Variants in CLN3 observed in about 807,000 individuals in gnomAD.
CLN3 encodes the protein CLN3 lysosomal/endosomal transmembrane protein, battenin.
A neutral mutation model predicts 60.7 loss-of-function variants in CLN3; 49 were observed. The ratio of observed to expected loss-of-function variants is 0.81; its 90% CI spans 0.64 to 1.02. The LOEUF (loss-of-function observed/expected upper bound fraction) is 1.02, where lower values mean the gene tolerates loss of function less well. Among genes scored for constraint, CLN3 ranks in the 50% least tolerant of loss-of-function variants. The probability of loss-of-function intolerance (pLI) is 0.00; values close to 1 mark genes in which losing one functional copy is unlikely to be tolerated. For missense variants in CLN3, 516 were observed against 557.4 expected, an observed-to-expected ratio of 0.93 and a Z score of 0.75; for synonymous variants, 256 against 245.8, an observed-to-expected ratio of 1.04 and a Z score of -0.39.
chr16:28,491,585 AC>A (rs1231498263), intron 2 of CLN3, 25 bp from the exon 3 acceptor site: 1 of 1,611,776 alleles, frequency 6.2e-7, no homozygotes, highest in Non-Finnish European at 8.5e-7. Flanking sequence ...AGAGGGCATG[AC>A]CCCCACCTAC....
Position 28,489,597 on chromosome 16 carries a change from T to A in CLN3, c.126-211A>T, listed in dbSNP as rs148584815. ...GAGACCCCCATCTCTACAAAAAATTTAAAAATTAGCCAGGTGTGGTGGCTT... is the reference window on the plus strand; with the variant it reads ...GAGACCCCCATCTCTACAAAAAATTAAAAAATTAGCCAGGTGTGGTGGCTT... On this transcript the variant is annotated intron_variant, in intron 3 of 15. Transcript: ENST00000636147. 0.011 allele frequency among the ~76,000 whole-genome samples: 1,658 copies of A among 152,038 alleles called. 27 individuals carry two copies. Among genetic ancestry groups the A allele is most frequent in the African/African-American group, 0.038 (1,580 of 41,464 alleles).
At chr16:28,477,958 G>C in intron 14 of CLN3, 81 bp from the exon 15 acceptor site, 2 of 1,517,618 alleles carry the variant, frequency 1.3e-6, no homozygotes, top group Non-Finnish European at 1.8e-6. Flanking sequence ...GGGGTCCCTG[G>C]TTTTAGGAGT....
chr16:28,486,700 GC>G (rs2046226640), intron 7 of CLN3, 50 bp from the exon 8 acceptor site: 2 of 1,536,106 alleles, frequency 1.3e-6, no homozygotes, highest in Non-Finnish European at 1.8e-6. Flanking sequence ...TTGCCACACT[GC>G]CCAGGCCTCT....
At chr16:28,486,753 G>T in intron 7 of CLN3, 103 bp from the exon 8 acceptor site, 1 of 1,112,234 alleles carries the variant, frequency 9.0e-7, no homozygotes, top group Non-Finnish European at 1.3e-6. Flanking sequence ...GCTCATAGAG[G>T]CTCCAATAGA....
intron 7 of CLN3, 35 bp downstream of exon 7, chr16:28,487,421 G>T (rs142290583): frequency 6.5e-7 from 1 of 1,549,092 alleles, no homozygotes. Flanking sequence ...GTGGTTCCTC[G>T]GGGCTCCCCA....
intron 9 of CLN3, chr16:28,484,503 C>T (rs1030700974): frequency 8.1e-6 from 2 of 246,634 alleles, no homozygotes; most frequent in African/African-American, 4.5e-5. Flanking sequence ...CACGTGCCAC[C>T]AAGCCCGCCT....
intron 1 of CLN3, 30 bp downstream of exon 1, chr16:28,491,990 C>A: frequency 1.6e-6 from 1 of 622,116 alleles, no homozygotes; most frequent in Middle Eastern, 4.3e-4. Context: ...TCCCCCGCCC[C>A]GTCTACAGCA....
chr16:28,487,532 A>C lies in CLN3; in HGVS notation c.384T>G (p.Val128=). ...GLHLLPYSPR[V]LVSGICAAGS... ...CAGCAGCACAAATCCCACTGACGAG[A>C]ACCCGGGGGCTGAGGGGGTGAGAAG... Residue 128 remains valine, a synonymous_variant, in exon 7 of 16, where the codon GTT becomes GTG. Coordinates refer to ENST00000636147, the MANE Select transcript of CLN3 (RefSeq NM_001042432.2). The C allele has an allele frequency of 6.2e-7, 1 of 1,613,790 alleles. No individual in the cohort carries two copies. Among genetic ancestry groups the C allele is most frequent in the Non-Finnish European group, 8.5e-7 (1 of 1,179,884 alleles).
In CLN3 at chr16:28,491,833, G is replaced by A. The variant is rs534657200; in HGVS notation, c.-74C>T. ...AGGGGGCTCCCACGGGAGGGATGAG[G>A]GTCTGCGACAGGTGACAAGGATCAA... On this transcript the variant is annotated splice_region_variant and 5_prime_UTR_variant, in exon 2 of 16. Coordinates refer to ENST00000636147, the MANE Select transcript of CLN3 (RefSeq NM_001042432.2). 21 of 1,569,766 alleles carry A rather than the reference G, an allele frequency of 1.3e-5. 1 individual carries two copies. The South Asian group carries it at 2.2e-4, about 17-fold the overall frequency.
chr16:28,491,451 T>C (rs778234777), intron 3 of CLN3, 31 bp downstream of exon 3: 14 of 1,611,178 alleles, frequency 8.7e-6, no homozygotes, highest in African/African-American at 5.3e-5. Context: ...TCTCATGCCA[T>C]TGTCACTCGC....
At chr16:28,488,813 T>C in intron 4 of CLN3, 151 bp from the exon 5 acceptor site, 3 of 741,134 alleles carry the variant, frequency 4.0e-6, no homozygotes, top group Non-Finnish European at 7.3e-6. Context: ...GCATGCACAA[T>C]GAAGAGGGGG....
intron 9 of CLN3, among the ~76,000 whole-genome samples, chr16:28,486,124 A>G (rs1322404388): frequency 1.3e-5 from 2 of 151,706 alleles, no homozygotes; most frequent in Admixed American, 1.3e-4. Context: ...TAGCCTCCTG[A>G]GTAGTTGGGA....
intron 12 of CLN3, 22 bp from the exon 13 acceptor site, chr16:28,482,404 G>C: frequency 6.2e-7 from 1 of 1,613,982 alleles, no homozygotes; most frequent in Non-Finnish European, 8.5e-7. Flanking sequence ...ACCAGACAGG[G>C]GAGATGGACG....
At chr16:28,486,756 C>A in intron 7 of CLN3, 106 bp from the exon 8 acceptor site, 1 of 1,053,284 alleles carries the variant, frequency 9.5e-7, no homozygotes. Flanking sequence ...CATAGAGGCT[C>A]CAATAGATCC....
At chr16:28,471,869 G>C (rs1256677100), downstream of CLN3, among the ~76,000 whole-genome samples, 2 of 152,040 alleles carry the variant, frequency 1.3e-5, no homozygotes, top group African/African-American at 4.8e-5. Flanking sequence ...TGACCTCTCA[G>C]GGATGTCCAA....
Position 28,486,463 on chromosome 16 carries a change from C to T in CLN3, c.561G>A (p.Gly187=). 1 of 1,613,312 alleles carries T rather than the reference C, an allele frequency of 6.2e-7. No homozygotes were observed. The highest frequency in any genetic ancestry group is 1.1e-5 in the South Asian group (1 of 90,938). The stretch of plus-strand genomic sequence containing the variant: ...CCCCCAGCAGCCCAGCTCCCCCAGT[C>T]CCTGAGGACCACCAGGAGATCACGG... ...PRAVISWWSS[G]TGGAGLLGAL... The change falls in exon 9 of 16, where the codon GGG becomes GGA. Residue 187 remains glycine (G), a synonymous_variant. Transcript: ENST00000636147.
At chr16:28,472,179 A>G (rs2045955861), downstream of CLN3, among the ~76,000 whole-genome samples, 2 of 152,212 alleles carry the variant, frequency 1.3e-5, no homozygotes, top group Non-Finnish European at 2.9e-5. Flanking sequence ...TCTGGAGGTC[A>G]AGGTGGGCAG....
downstream of CLN3, among the ~76,000 whole-genome samples, chr16:28,470,774 C>G (rs1257213930): frequency 3.3e-5 from 5 of 149,454 alleles, no homozygotes; most frequent in Non-Finnish European, 7.5e-5. Context: ...TTCTCAAGCG[C>G]TGGTGGAAGG....
intron 5 of CLN3, 116 bp downstream of exon 5, chr16:28,488,475 C>T: frequency 1.1e-6 from 1 of 903,616 alleles, no homozygotes; most frequent in Non-Finnish European, 1.8e-6. Context: ...GCGCCCAGCC[C>T]AGGTCTCAAC....
Sources: gnomAD v4.1 joint callset for allele counts (sites outside exome capture counted in the v4.1 genomes callset) on GRCh38, gnomAD v4.1.1 for gene constraint, MANE v1.5 for transcripts, NCBI Gene and HGNC (gene_info 2026-07-23, HGNC 2026-07-21) for gene names.